The following TAF4 variants were observed in gnomAD, a reference collection of about 807,000 sequenced individuals.
TAF4 encodes TATA-box binding protein associated factor 4.
A neutral mutation model predicts 90.3 loss-of-function variants in TAF4; 9 were observed. The ratio of observed to expected loss-of-function variants is 0.10; its 90% CI spans 0.06 to 0.17. The LOEUF is 0.17. Among genes scored for constraint, TAF4 ranks in the 10% least tolerant of loss-of-function variants. TAF4 has a pLI of 1.00. For synonymous variants in TAF4, 818 were observed against 638.9 expected, an observed-to-expected ratio of 1.28 and a Z score of -4.23; for missense variants, 1,351 against 1,370.7, an observed-to-expected ratio of 0.99 and a Z score of 0.23.
intron 1 of TAF4, among the ~76,000 whole-genome samples, chr20:62,046,198 T>C (rs1294240840): frequency 1.3e-5 from 2 of 152,202 alleles, no homozygotes; most frequent in African/African-American, 4.8e-5. Context: ...GGAAGGAACA[T>C]GGCCCCAGGG....
chr20:62,064,673 G>C lies in TAF4; in HGVS notation c.1138C>G (p.Gln380Glu), dbSNP rs1188204406. 2.3e-5 allele frequency: 29 copies of C among 1,283,244 alleles called. No homozygotes were observed. The highest frequency in any genetic ancestry group is 2.7e-5 in the Non-Finnish European group (28 of 1,020,936). 79.5% of individuals were successfully genotyped at this position (1,283,244 alleles called of 1,614,324 possible). ...GCGGCCGGGCTGGGCAGCGCCCCTT[G>C]CATAGTTGGCCCGATGACCATGCTG... ...AASMVIGPTM[Q>E]GALPSPAAVP... Residue 380 changes from glutamine (Q) to glutamate (E), a missense_variant, in exon 1 of 15, where the codon CAA becomes GAA. By Grantham distance (29) the Gln-to-Glu change is conservative. Transcript: ENST00000252996.
Position 62,065,170 on chromosome 20 carries a change from G to A in TAF4, c.641C>T (p.Ala214Val), listed in dbSNP as rs768014781. 12 of 1,215,004 alleles carry A rather than the reference G, an allele frequency of 9.9e-6. No homozygotes were observed. Among genetic ancestry groups the A allele is most frequent in the Non-Finnish European group, 1.3e-5 (12 of 951,316 alleles). The allele number at this position is 1,215,004 out of a possible 1,614,324, so 75.3% of individuals were successfully genotyped here. A position where few individuals can be genotyped will look rare whatever the true frequency, so the allele number is the denominator to read the frequency against. ...GGGCCCGTTGTTGACCAGGCTGACA[G>A]CAGGTGCGGCGGCGTGGTGCGAGTT... ...LLNSHHAAAP[A>V]VSLVNNGPAA... Residue 214 changes from alanine to valine, a missense_variant, in exon 1 of 15, where the codon GCT (alanine) becomes GTT (valine). Around this residue, in one of 9 missense-constraint regions of TAF4, gnomAD observed 782 missense variants for 536.6 expected, o/e 1.46. Coordinates refer to ENST00000252996, the MANE Select transcript of TAF4 (RefSeq NM_003185.4).
chr20:61,982,063 C>A (rs1275646836), intron 14 of TAF4, among the ~76,000 whole-genome samples: 9 of 111,626 alleles, frequency 8.1e-5, no homozygotes, highest in South Asian at 4.1e-4. Flanking sequence ...GACACCAAAC[C>A]CACACCCCAC....
intron 14 of TAF4, among the ~76,000 whole-genome samples, chr20:61,986,826 G>C (rs527946326): frequency 6.6e-6 from 1 of 152,382 alleles, no homozygotes; most frequent in Non-Finnish European, 1.5e-5. Flanking sequence ...GGGAGACGGG[G>C]CAGCTCTCTT....
intron 14 of TAF4, among the ~76,000 whole-genome samples, chr20:61,977,254 C>T (rs1269696723): frequency 2.0e-5 from 3 of 149,712 alleles, no homozygotes; most frequent in African/African-American, 2.4e-5. Context: ...CACACACACA[C>T]GACACCGCCC....
Position 61,992,473 on chromosome 20 carries a change from C to G in TAF4, c.3090+5077G>C, listed in dbSNP as rs115483679. Reference sequence around the variant, plus strand: ...GCCCTCCCCTCCAATTCCCCACCCCCCAAGCCCTTGGGGCAGCCAAGAGCC... The same window carrying G: ...GCCCTCCCCTCCAATTCCCCACCCCGCAAGCCCTTGGGGCAGCCAAGAGCC... On this transcript the variant is annotated intron_variant, in intron 14 of 14. Transcript: ENST00000252996. Among the ~76,000 whole-genome samples the G allele has an allele frequency of 5.4e-3, 821 of 152,170 alleles. 6 individuals carry two copies. The highest frequency in any genetic ancestry group is 0.019 in the African/African-American group (789 of 41,488).
intron 1 of TAF4, among the ~76,000 whole-genome samples, chr20:62,060,376 A>G (rs1040646696): frequency 6.6e-6 from 1 of 152,278 alleles, no homozygotes; most frequent in African/African-American, 2.4e-5. Context: ...CACAGTAAGC[A>G]GTGAGGAGAG....
chr20:62,063,111 G>A (rs573863854), intron 1 of TAF4, among the ~76,000 whole-genome samples: 2 of 152,226 alleles, frequency 1.3e-5, no homozygotes, highest in African/African-American at 4.8e-5. Context: ...CGTAAAGGGC[G>A]TCTCAGCAAC....
At chr20:62,038,720 T>C (rs2055947621) in intron 1 of TAF4, among the ~76,000 whole-genome samples, 1 of 152,108 alleles carries the variant, frequency 6.6e-6, no homozygotes, top group South Asian at 2.1e-4. Flanking sequence ...TCAATGATCA[T>C]AAAACCGATC....
rs527902762 is a variant in TAF4 at position 62,018,008 on chromosome 20, C to T, written c.1361-3301G>A. The stretch of plus-strand genomic sequence containing the variant: ...TCACTGTGAAAATGTGCCCTGTGGT[C>T]GGGCCCAGTGTCCCTTGTGGTCAGG... On this transcript the variant is annotated intron_variant, in intron 1 of 14. Coordinates refer to ENST00000252996, the MANE Select transcript of TAF4 (RefSeq NM_003185.4). 2.9e-3 allele frequency among the ~76,000 whole-genome samples: 433 copies of T among 151,860 alleles called. 1 individual carries two copies. The highest frequency in any genetic ancestry group is 4.3e-3 in the Admixed American group (65 of 15,268).
In TAF4 at chr20:61,975,774, T is replaced by G. The variant is rs2055490344; in HGVS notation, c.*394A>C. On this transcript the variant is annotated 3_prime_UTR_variant, in exon 15 of 15. Coordinates refer to ENST00000252996, the MANE Select transcript of TAF4 (RefSeq NM_003185.4). ...TATTACAAAAATAAAATAAACGAAA[T>G]GAGGTCATCGGCTGTAGACATACAC... The G allele has an allele frequency of 5.9e-6, 1 of 169,858 alleles. No individual in the cohort carries two copies. Among genetic ancestry groups the G allele is most frequent in the African/African-American group, 2.4e-5 (1 of 41,914 alleles). The allele number at this position is 169,858 out of a possible 1,614,324, so 10.5% of individuals were successfully genotyped here.
intron 5 of TAF4, among the ~76,000 whole-genome samples, chr20:62,008,570 T>C (rs1172987180): frequency 6.6e-6 from 1 of 151,204 alleles, no homozygotes. Flanking sequence ...GGGACGGCTC[T>C]GCCACTGGAG....
chr20:61,976,447 AC>A, intron 14 of TAF4, 112 bp from the exon 15 acceptor site: 1 of 1,285,910 alleles, frequency 7.8e-7, no homozygotes, highest in Non-Finnish European at 1.1e-6. Flanking sequence ...CAGGCCTGGC[AC>A]GGGCTCCTTC....
At position 62,065,006 on chromosome 20, in the gene TAF4, C is replaced by T. The variant is rs1325306812; in HGVS notation, c.805G>A (p.Ala269Thr). ...AAPAPAAPAAAPPPPPPAPAT... is the reference protein window; with the variant it reads ...AAPAPAAPAATPPPPPPAPAT... ...GGCGCGGGGGGTGGCGGGGGCGGGG[C>T]GGCGGCGGGGGCGGCGGGCGCGGGG... Residue 269 changes from alanine (A) to threonine (T), a missense_variant, in exon 1 of 15, where the codon GCC becomes ACC. Ala to Thr is a moderately conservative substitution (Grantham distance 58). Coordinates refer to ENST00000252996, the MANE Select transcript of TAF4 (RefSeq NM_003185.4). 4.5e-6 allele frequency: 1 copy of T among 221,260 alleles called. No individual in the cohort carries two copies. Among genetic ancestry groups the T allele is most frequent in the Non-Finnish European group, 5.8e-6 (1 of 171,646 alleles). 13.7% of individuals were successfully genotyped at this position (221,260 alleles called of 1,614,324 possible). A position where few individuals can be genotyped will look rare whatever the true frequency, so the allele number is the denominator to read the frequency against.
At position 62,046,656 on chromosome 20, in the gene TAF4, A is replaced by T. The variant is rs28382014; in HGVS notation, c.1360+17795T>A. Reference sequence around the variant, plus strand: ...CTGGGTGGGGCTGCCGCACACGGTCAATCAGTACTTAACTTTTTACGCTTC... The same window carrying T: ...CTGGGTGGGGCTGCCGCACACGGTCTATCAGTACTTAACTTTTTACGCTTC... On this transcript the variant is annotated intron_variant, in intron 1 of 14. Coordinates refer to ENST00000252996, the MANE Select transcript of TAF4 (RefSeq NM_003185.4). 6.6e-5 allele frequency among the ~76,000 whole-genome samples: 10 copies of T among 152,326 alleles called. No homozygotes were observed. In the East Asian group the frequency reaches 1.9e-3, roughly 29 times the overall value.
chr20:62,040,918 T>A (rs2055960238), intron 1 of TAF4, among the ~76,000 whole-genome samples: 1 of 152,254 alleles, frequency 6.6e-6, no homozygotes, highest in Non-Finnish European at 1.5e-5. Context: ...TTATTCGTAA[T>A]AGCCAAAAAC....
Position 62,003,770 on chromosome 20 carries a change from T to A in TAF4, c.2332A>T (p.Thr778Ser), listed in dbSNP as rs779951601. ...TTCAGCTGGATCTGCTGAGGCGTGG[T>A]GAGCATGATCCGGTTGTGAGGCTGC... ...LRQPHNRIMLTTPQQIQLNPL... is the reference protein window; with the variant it reads ...LRQPHNRIMLSTPQQIQLNPL... Residue 778 changes from threonine to serine, a missense_variant, in exon 8 of 15, where the codon ACC becomes TCC. This residue lies in a region of TAF4 where 202 missense variants were observed against 229.7 expected (regional missense o/e 0.88). Transcript: ENST00000252996. 6.2e-7 allele frequency: 1 copy of A among 1,607,988 alleles called. No individual in the cohort carries two copies. The highest frequency in any genetic ancestry group is 1.1e-5 in the South Asian group (1 of 90,716).
chr20:62,029,561 C>T (rs529929399), intron 1 of TAF4, among the ~76,000 whole-genome samples: 103 of 152,134 alleles, frequency 6.8e-4, no homozygotes, highest in African/African-American at 2.4e-3. Context: ...CGTGGTGGGG[C>T]GGGGTAAGGA....
chr20:61,999,585 T>C (rs951975912), intron 11 of TAF4, among the ~76,000 whole-genome samples: 1 of 152,122 alleles, frequency 6.6e-6, no homozygotes, highest in Admixed American at 6.5e-5. Flanking sequence ...TTCATGAGAA[T>C]AGGGCTGCGG....
Sources: allele counts gnomAD v4.1 joint callset (sites outside exome capture counted in the v4.1 genomes callset), GRCh38; gene constraint gnomAD v4.1.1; regional missense constraint gnomAD v4.1.1; transcripts MANE v1.5; gene names NCBI Gene and HGNC (gene_info 2026-07-23, HGNC 2026-07-21).